Variants in SCAPER observed in about 807,000 individuals in gnomAD.
SCAPER encodes S phase cyclin A-associated protein in the endoplasmic reticulum.
In SCAPER, 98 loss-of-function variants were observed where a neutral mutation model predicts 182.2. The observed-to-expected ratio is 0.54, with a 90% CI of 0.46 to 0.64. SCAPER has a LOEUF of 0.64. Ranked by LOEUF, SCAPER falls within the 30% of genes least tolerant of loss-of-function variation. SCAPER has a pLI of 0.00. For synonymous variants in SCAPER, 605 were observed against 564.6 expected (o/e 1.07, Z -1.01); for missense variants, 1,432 against 1,690.0 (o/e 0.85, Z 2.68).
chr15:76,857,691 TA>T (rs1175651496), intron 4 of SCAPER, 117 bp downstream of exon 4: 4 of 693,486 alleles, frequency 5.8e-6, no homozygotes, highest in Non-Finnish European at 9.2e-6. Context: ...AAAAGTACAT[TA>T]AATTTTTATT....
At chr15:76,714,534 GGTAGTAGTAGTA>G (rs35883569) in intron 17 of SCAPER, among the ~76,000 whole-genome samples, 2 of 149,394 alleles carry the variant, frequency 1.3e-5, no homozygotes, top group African/African-American at 2.5e-5. Flanking sequence ...TAGTAGTAGT[GGTAGTAGTAGTA>G]GTAGTAGTAG....
At position 76,622,605 on chromosome 15, in the gene SCAPER, T is replaced by C. The variant is rs114810863; in HGVS notation, c.2646-776A>G. 9.9e-3 allele frequency among the ~76,000 whole-genome samples: 1,515 copies of C among 152,296 alleles called. 17 individuals are homozygous for C. The highest frequency in any genetic ancestry group is 0.035 in the African/African-American group (1,438 of 41,558). ...CCATCAGCCTAAATATTAAGATTTTTATAAATATAAAGATTTTTACAAATA... is the reference window on the plus strand; with the variant it reads ...CCATCAGCCTAAATATTAAGATTTTCATAAATATAAAGATTTTTACAAATA... On this transcript the variant is annotated intron_variant, in intron 21 of 31. Coordinates refer to ENST00000563290, the MANE Select transcript of SCAPER (RefSeq NM_020843.4).
intron 20 of SCAPER, among the ~76,000 whole-genome samples, chr15:76,680,619 T>C (rs2057649139): frequency 6.6e-6 from 1 of 152,036 alleles, no homozygotes; most frequent in Admixed American, 6.6e-5. Flanking sequence ...ATAAAGGCCC[T>C]TCCTTGGTGG....
chr15:76,751,745 C>G (rs2062097488), intron 15 of SCAPER, among the ~76,000 whole-genome samples: 1 of 151,504 alleles, frequency 6.6e-6, no homozygotes, highest in African/African-American at 2.4e-5. Context: ...GATCAATTAC[C>G]TAAATATAAG....
chr15:76,470,907 C>G (rs185860), intron 25 of SCAPER, among the ~76,000 whole-genome samples: 147,884 of 152,234 alleles, frequency 0.97, 71,965 homozygotes, highest in South Asian at 1. Flanking sequence ...TAGAGGTTTG[C>G]CTTTGCATCC....
chr15:76,735,846 AC>A (rs112134085), intron 15 of SCAPER, among the ~76,000 whole-genome samples: 11,600 of 152,286 alleles, frequency 0.076, 497 homozygotes, highest in Middle Eastern at 0.11. Flanking sequence ...AAAACAACAT[AC>A]AGTAGTATGT....
chr15:76,520,599 C>T (rs1233703394), intron 23 of SCAPER, among the ~76,000 whole-genome samples: 1 of 151,876 alleles, frequency 6.6e-6, no homozygotes, highest in African/African-American at 2.4e-5. Flanking sequence ...TCATACACAC[C>T]CCCCACCCCC....
chr15:76,723,296 G>A (rs893428395), intron 17 of SCAPER, among the ~76,000 whole-genome samples: 2 of 152,168 alleles, frequency 1.3e-5, no homozygotes, highest in Non-Finnish European at 2.9e-5. Context: ...CTGAGAGACA[G>A]TTTGTTATAA....
At chr15:76,760,952 T>C (rs1031266092) in intron 14 of SCAPER, among the ~76,000 whole-genome samples, 3 of 152,198 alleles carry the variant, frequency 2.0e-5, no homozygotes, top group Non-Finnish European at 2.9e-5. Context: ...CTCCTTTATA[T>C]GTTTCATAGA....
intron 17 of SCAPER, among the ~76,000 whole-genome samples, chr15:76,723,608 G>T (rs1317403379): frequency 3.3e-5 from 5 of 152,080 alleles, no homozygotes. Flanking sequence ...TATGAATCTG[G>T]GTGCTCCTGT....
At chr15:76,637,736 ATATATATGTGTGTGTGTGTG>A (rs2053732803) in intron 21 of SCAPER, among the ~76,000 whole-genome samples, 2 of 29,260 alleles carry the variant, frequency 6.8e-5, no homozygotes. Context: ...ATATATATAT[ATATATATGTGTGTGTGTGTG>A]TGTGTGTGTG....
chr15:76,373,697 T>C (rs954724788), intron 29 of SCAPER, among the ~76,000 whole-genome samples: 2 of 152,210 alleles, frequency 1.3e-5, no homozygotes, highest in African/African-American at 2.4e-5. Context: ...AAACTGTCTA[T>C]ATTTTAGCCA....
At chr15:76,701,309 A>G (rs1598250356) in intron 20 of SCAPER, among the ~76,000 whole-genome samples, 1 of 152,186 alleles carries the variant, frequency 6.6e-6, no homozygotes, top group East Asian at 1.9e-4. Flanking sequence ...AATGAAAAAT[A>G]TTCATATACA....
chr15:76,878,814 G>C (rs537421861), intron 2 of SCAPER, among the ~76,000 whole-genome samples: 2 of 152,054 alleles, frequency 1.3e-5, no homozygotes, highest in South Asian at 4.2e-4. Flanking sequence ...CAGAGACTGA[G>C]TCAAAAAAGA....
At chr15:76,413,753 C>G (rs974890349) in intron 26 of SCAPER, among the ~76,000 whole-genome samples, 1 of 152,196 alleles carries the variant, frequency 6.6e-6, no homozygotes, top group African/African-American at 2.4e-5. Flanking sequence ...GATGTAAACT[C>G]ACTGCACATG....
In SCAPER at chr15:76,450,975, C is replaced by G. The variant is rs1008886862; in HGVS notation, c.3079-16665G>C. Among the ~76,000 whole-genome samples the G allele has an allele frequency of 2.6e-5, 4 of 152,344 alleles. No individual in the cohort carries two copies. The South Asian group carries it at 8.3e-4, about 32-fold the overall frequency. On this transcript the variant is annotated intron_variant, in intron 25 of 31. Coordinates refer to ENST00000563290, the MANE Select transcript of SCAPER (RefSeq NM_020843.4). ...ACCATCATAATCAAGATACAGAACA[C>G]TTTGATCATCTCCAAAAGTTTCCTT...
chr15:76,361,729 G>A (rs2041434203), intron 29 of SCAPER, among the ~76,000 whole-genome samples: 1 of 152,188 alleles, frequency 6.6e-6, no homozygotes, highest in Non-Finnish European at 1.5e-5. Flanking sequence ...TTTTCAGTTG[G>A]TCTTGAGAGA....
chr15:76,358,529 T>C (rs1423143637), intron 29 of SCAPER, among the ~76,000 whole-genome samples: 3 of 152,238 alleles, frequency 2.0e-5, no homozygotes, highest in Non-Finnish European at 2.9e-5. Flanking sequence ...GCCTTCCTTG[T>C]TGGCAGACAG....
At chr15:76,888,371 T>G (rs1039707427) in intron 1 of SCAPER, among the ~76,000 whole-genome samples, 2 of 152,090 alleles carry the variant, frequency 1.3e-5, no homozygotes, top group Non-Finnish European at 2.9e-5. Context: ...AATAACAAAC[T>G]TCTCCAAACT....
Sources: allele counts gnomAD v4.1 joint callset (sites outside exome capture counted in the v4.1 genomes callset), GRCh38; gene constraint gnomAD v4.1.1; transcripts MANE v1.5; gene names NCBI Gene and HGNC (gene_info 2026-07-23, HGNC 2026-07-21).